Variants in NEK11 observed in about 807,000 individuals in gnomAD.
NEK11 encodes serine/threonine-protein kinase Nek11.
Under a neutral mutation model 80.7 loss-of-function variants are expected in NEK11, and 72 were observed. That is an observed-to-expected ratio of 0.89 (90% confidence interval 0.74 to 1.08). The LOEUF is 1.08. Ranked by LOEUF, NEK11 falls within the 50% of genes least tolerant of loss-of-function variation. NEK11 has a pLI of 0.00. For synonymous variants in NEK11, 251 were observed against 260.7 expected (o/e 0.96, Z 0.36); for missense variants, 764 against 763.6 (o/e 1.00, Z -0.01).
chr3:131,200,398 T>C (rs557839545), intron 14 of NEK11, among the ~76,000 whole-genome samples: 2 of 152,350 alleles, frequency 1.3e-5, no homozygotes, highest in East Asian at 3.9e-4. Flanking sequence ...GAGTATAAAT[T>C]GATGCCTCTT....
At chr3:131,216,624 C>T (rs1186194748) in intron 14 of NEK11, among the ~76,000 whole-genome samples, 1 of 151,076 alleles carries the variant, frequency 6.6e-6, no homozygotes, top group East Asian at 1.9e-4. Context: ...AACATTTCTG[C>T]AGCAGCCTGT....
chr3:131,149,225 A>G (rs1204199369), intron 7 of NEK11, among the ~76,000 whole-genome samples: 1 of 152,014 alleles, frequency 6.6e-6, no homozygotes, highest in East Asian at 1.9e-4. Flanking sequence ...GCTCCCACTT[A>G]TAAGTGAGAA....
chr3:131,344,903 G>A (rs545911582), intron 17 of NEK11, among the ~76,000 whole-genome samples: 17 of 152,234 alleles, frequency 1.1e-4, no homozygotes, highest in Admixed American at 6.5e-4. Flanking sequence ...AGGCCCCACC[G>A]CCAACAGTGG....
At chr3:131,168,456 A>T (rs373313792) in intron 12 of NEK11, among the ~76,000 whole-genome samples, 3 of 148,498 alleles carry the variant, frequency 2.0e-5, no homozygotes, top group East Asian at 4.0e-4. Flanking sequence ...TCCCGGGTTC[A>T]CGCCATTCTC....
chr3:131,256,312 A>T (rs745686695), intron 16 of NEK11, among the ~76,000 whole-genome samples: 6 of 152,212 alleles, frequency 3.9e-5, no homozygotes, highest in Non-Finnish European at 7.4e-5. Context: ...TAAACACCAC[A>T]TTGTATCCCA....
rs191377496 is a variant in NEK11 at position 131,137,247 on chromosome 3, G to A, written c.647+3291G>A. Among the ~76,000 whole-genome samples the A allele has an allele frequency of 1.3e-3, 199 of 152,286 alleles. No individual in the cohort carries two copies. The South Asian group carries it at 0.015, about 11-fold the overall frequency. On this transcript the variant is annotated intron_variant, in intron 7 of 17. Coordinates refer to ENST00000383366, the MANE Select transcript of NEK11 (RefSeq NM_024800.5). ...AGTGTCATGCAAGGATTAGCTGTGA[G>A]TAGAAGAAAACAGAGAAGAACCAGC...
At chr3:131,178,211 A>G (rs2093145073) in intron 14 of NEK11, among the ~76,000 whole-genome samples, 1 of 152,212 alleles carries the variant, frequency 6.6e-6, no homozygotes, top group African/African-American at 2.4e-5. Flanking sequence ...GTGAAGGTCT[A>G]GGATATTCAC....
chr3:131,231,629 C>T (rs770944592), intron 15 of NEK11, among the ~76,000 whole-genome samples: 1 of 151,634 alleles, frequency 6.6e-6, no homozygotes, highest in East Asian at 2.0e-4. Flanking sequence ...TGTTTTCTTC[C>T]AGTAATTCAA....
chr3:131,235,404 G>A (rs189577355), intron 15 of NEK11, among the ~76,000 whole-genome samples: 2 of 152,268 alleles, frequency 1.3e-5, no homozygotes, highest in African/African-American at 4.8e-5. Flanking sequence ...AACAGCGTTG[G>A]CAAACAGAAA....
At position 131,335,400 on chromosome 3, in the gene NEK11, C is replaced by T. The variant is rs1056176150; in HGVS notation, c.1719-14157C>T. Among the ~76,000 whole-genome samples, 960 of 152,286 alleles carry T rather than the reference C, an allele frequency of 6.3e-3. 10 individuals are homozygous for T. Among genetic ancestry groups the T allele is most frequent in the African/African-American group, 0.021 (890 of 41,544 alleles). ...TTATCTCAATAGATGCAGAAAAGGC[C>T]TTTGACAAAATTCAACAACCTTCAT... On this transcript the variant is annotated intron_variant, in intron 17 of 17. Transcript: ENST00000383366.
intron 15 of NEK11, among the ~76,000 whole-genome samples, chr3:131,235,528 G>A (rs2095416078): frequency 6.6e-6 from 1 of 152,116 alleles, no homozygotes; most frequent in South Asian, 2.1e-4. Context: ...AGCCTGGGAG[G>A]AAAGGGTTGT....
rs770612772 is a variant in NEK11, at chr3:131,080,406, A to AT, written c.171-9dup. The AT allele has an allele frequency of 8.3e-5, 130 of 1,572,260 alleles. 1 individual carries two copies. The South Asian group carries it at 1.1e-3, about 13-fold the overall frequency. On this transcript the variant is annotated splice_polypyrimidine_tract_variant and intron_variant, in intron 3 of 17. Transcript: ENST00000383366. ...TTTTTCAGCTCTAAATGTTTTTAAA[A>AT]TTTTTTTTGATCTCAGAAAGGTACT...
chr3:131,301,942 C>T (rs947318034), intron 17 of NEK11, among the ~76,000 whole-genome samples: 2 of 152,102 alleles, frequency 1.3e-5, no homozygotes, highest in Non-Finnish European at 1.5e-5. Flanking sequence ...ACCAGGTCTT[C>T]TTTATACATC....
intron 5 of NEK11, among the ~76,000 whole-genome samples, chr3:131,126,298 A>G (rs577797635): frequency 1.6e-4 from 24 of 152,002 alleles, no homozygotes; most frequent in Non-Finnish European, 3.2e-4. Context: ...CTTCCACCCC[A>G]TGTCTTCCTT....
chr3:131,041,564 G>A (rs1029003596), intron 3 of NEK11, among the ~76,000 whole-genome samples: 1 of 152,070 alleles, frequency 6.6e-6, no homozygotes, highest in Non-Finnish European at 1.5e-5. Flanking sequence ...ATATATATGT[G>A]TGTGTGTATG....
intron 16 of NEK11, among the ~76,000 whole-genome samples, chr3:131,260,515 A>G (rs984604050): frequency 1.5e-4 from 23 of 152,160 alleles, no homozygotes; most frequent in Admixed American, 4.6e-4. Flanking sequence ...TGTTACTGGA[A>G]CACAGCCATG....
chr3:131,230,206 A>G (rs1200378926), intron 15 of NEK11, among the ~76,000 whole-genome samples: 1 of 152,232 alleles, frequency 6.6e-6, no homozygotes, highest in African/African-American at 2.4e-5. Context: ...TTAGAACCAC[A>G]TGAATAAAAT....
intron 3 of NEK11, among the ~76,000 whole-genome samples, chr3:131,043,568 A>G (rs1197408848): frequency 6.6e-6 from 1 of 152,238 alleles, no homozygotes; most frequent in East Asian, 1.9e-4. Flanking sequence ...TAGAGAAAAA[A>G]GAATGAAAAG....
At chr3:131,147,131 T>C (rs2088527040) in intron 7 of NEK11, among the ~76,000 whole-genome samples, 1 of 152,060 alleles carries the variant, frequency 6.6e-6, no homozygotes, top group Non-Finnish European at 1.5e-5. Flanking sequence ...TATTCTCTTG[T>C]TTTCTTTTAA....
Sources: gnomAD v4.1 joint callset for allele counts (sites outside exome capture counted in the v4.1 genomes callset) on GRCh38, gnomAD v4.1.1 for gene constraint, MANE v1.5 for transcripts, NCBI Gene and HGNC (gene_info 2026-07-23, HGNC 2026-07-21) for gene names.